Variants in ECSCR observed in about 807,000 individuals in gnomAD.
ECSCR encodes the protein endothelial cell-specific chemotaxis regulator.
A neutral mutation model predicts 16.7 loss-of-function variants in ECSCR; 12 were observed. That is an observed-to-expected ratio of 0.72 (90% CI 0.46 to 1.17). The LOEUF (loss-of-function observed/expected upper bound fraction) is 1.17, where lower values mean the gene tolerates loss of function less well. ECSCR is among the 50% of genes most tolerant of loss of function. The pLI, the probability that ECSCR is intolerant of heterozygous loss-of-function variation, is 0.00. For synonymous variants in ECSCR, 44 were observed against 42.2 expected (o/e 1.04, Z -0.17); for missense variants, 122 against 116.1 (o/e 1.05, Z -0.23).
intron 1 of ECSCR, among the ~76,000 whole-genome samples, chr5:139,462,280 C>G (rs1170534193): frequency 6.6e-6 from 1 of 152,140 alleles, no homozygotes; most frequent in Non-Finnish European, 1.5e-5. Flanking sequence ...GGGTGAGGGT[C>G]ATGAGTAGCC....
At chr5:139,455,603 G>C (rs2152089176) in intron 5 of ECSCR, among the ~76,000 whole-genome samples, 167 bp from the exon 6 acceptor site, 1 of 152,210 alleles carries the variant, frequency 6.6e-6, no homozygotes, top group Non-Finnish European at 1.5e-5. Context: ...GGGTTGAGGT[G>C]GGAGGAATGT....
chr5:139,449,289 G>A (rs1417933054), intron 8 of ECSCR, 115 bp from the exon 9 acceptor site: 3 of 736,654 alleles, frequency 4.1e-6, no homozygotes, highest in East Asian at 2.7e-5. Flanking sequence ...CTATATTTTG[G>A]TGGTGGATCA....
chr5:139,454,674 T>C, intron 7 of ECSCR, 36 bp from the exon 8 acceptor site: 1 of 398,300 alleles, frequency 2.5e-6, no homozygotes, highest in Non-Finnish European at 4.4e-6. Flanking sequence ...GGGGCTCACA[T>C]GCTGTAACTC....
intron 1 of ECSCR, 101 bp downstream of exon 1, chr5:139,462,508 GC>G: frequency 8.2e-7 from 1 of 1,222,814 alleles, no homozygotes; most frequent in Non-Finnish European, 1.2e-6. Context: ...CCTGGGCACA[GC>G]CCCTGGATGG....
intron 8 of ECSCR, among the ~76,000 whole-genome samples, chr5:139,449,982 G>T (rs1328346257): frequency 6.6e-6 from 1 of 151,832 alleles, no homozygotes; most frequent in East Asian, 2.0e-4. Flanking sequence ...TGCAACCTCC[G>T]CCTCTGGGTT....
At chr5:139,458,320 G>GTTT in intron 1 of ECSCR, 137 bp from the exon 2 acceptor site, 7 of 670,710 alleles carry the variant, frequency 1.0e-5, no homozygotes, top group African/African-American at 7.7e-5. Flanking sequence ...ATTTTGTTTT[G>GTTT]TTTTGTTTTT....
chr5:139,458,845 C>CA (rs1264082615), intron 1 of ECSCR, among the ~76,000 whole-genome samples: 4,593 of 88,814 alleles, frequency 0.052, 233 homozygotes, highest in African/African-American at 0.16. Flanking sequence ...GACTCTGTCT[C>CA]AAAAAAAAAA....
Position 139,455,368 on chromosome 5 carries a change from G to T in ECSCR, c.331C>A (p.Leu111Met). 1 of 398,776 alleles carries T rather than the reference G, an allele frequency of 2.5e-6. No individual in the cohort carries two copies. The highest frequency in any genetic ancestry group is 4.4e-6 in the Non-Finnish European group (1 of 226,176). 24.7% of individuals were successfully genotyped at this position (398,776 alleles called of 1,614,324 possible). The change falls in exon 6 of 10, where the codon CTG (leucine) becomes ATG (methionine). Residue 111 changes from leucine (L) to methionine (M), a missense_variant. Leu to Met is a conservative substitution (Grantham distance 15, BLOSUM62 2). Transcript: ENST00000618155. ...ACAGTCTCTGACGTGGGGCTGGGCA[G>T]GATGGTCGCATCTTCCCTCATGCTC... is the stretch of plus-strand genomic sequence containing the variant. Reference protein sequence around the residue: ...SLSMREDATILPSPTSETVLT... With the variant: ...SLSMREDATIMPSPTSETVLT...
chr5:139,462,587 G>T, intron 1 of ECSCR, 23 bp downstream of exon 1: 1 of 1,587,968 alleles, frequency 6.3e-7, no homozygotes, highest in Non-Finnish European at 8.6e-7. Flanking sequence ...AATTGCCATG[G>T]GAAAGCGGCA....
Position 139,457,525 on chromosome 5 carries a change from T to G in ECSCR, c.217+20A>C. ...CTGGGCCCTCCCTGGATGGCATTTG[T>G]AGTCTGAATGACACAGTACCTGGGG... On this transcript the variant is annotated intron_variant, in intron 4 of 9. Coordinates refer to ENST00000618155, the MANE Select transcript of ECSCR (RefSeq NM_001077693.4). 1 of 782,280 alleles carries G rather than the reference T, an allele frequency of 1.3e-6. No homozygotes were observed. The highest frequency in any genetic ancestry group is 2.4e-5 in the East Asian group (1 of 41,260). 48.5% of individuals were successfully genotyped at this position (782,280 alleles called of 1,614,324 possible). A position where few individuals can be genotyped will look rare whatever the true frequency, so the allele number is the denominator to read the frequency against.
chr5:139,456,994 A>C (rs1436711100), intron 4 of ECSCR, among the ~76,000 whole-genome samples: 5 of 152,240 alleles, frequency 3.3e-5, no homozygotes, highest in Admixed American at 2.6e-4. Context: ...TGCCCTCGGC[A>C]TCACGGGTTT....
rs1750958311 is a variant in ECSCR at position 139,448,594 on chromosome 5, A to C, written c.*306T>G. 1 of 566,074 alleles carries C rather than the reference A, an allele frequency of 1.8e-6. No individual in the cohort carries two copies. Among genetic ancestry groups the C allele is most frequent in the Non-Finnish European group, 2.7e-6 (1 of 365,640 alleles). The allele number at this position is 566,074 out of a possible 1,614,324, so 35.1% of individuals were successfully genotyped here. On this transcript the variant is annotated 3_prime_UTR_variant, in exon 10 of 10. Coordinates refer to ENST00000618155, the MANE Select transcript of ECSCR (RefSeq NM_001077693.4). ...GAAAATAATTTTAATGCAAAGTAGAAAGTATCAATCCACCTCATCACTTTC... is the reference window on the plus strand; with the variant it reads ...GAAAATAATTTTAATGCAAAGTAGACAGTATCAATCCACCTCATCACTTTC...
intron 1 of ECSCR, 142 bp from the exon 2 acceptor site, chr5:139,458,325 G>GTTTTTTTT: frequency 3.7e-6 from 2 of 546,768 alleles, no homozygotes; most frequent in Non-Finnish European, 6.3e-6. Context: ...GTTTTGTTTT[G>GTTTTTTTT]TTTTTTTTTT....
chr5:139,452,016 T>C (rs1751062832), intron 8 of ECSCR, among the ~76,000 whole-genome samples: 1 of 148,434 alleles, frequency 6.7e-6, no homozygotes, highest in African/African-American at 2.5e-5. Flanking sequence ...TGGGTGTGTG[T>C]GTAGTGTGGG....
At chr5:139,457,437 T>C in intron 4 of ECSCR, 108 bp downstream of exon 4, 1 of 764,610 alleles carries the variant, frequency 1.3e-6, no homozygotes, top group Non-Finnish European at 2.4e-6. Context: ...GTCTATTTCC[T>C]TGTCTGTTCC....
rs998404875 is a variant in ECSCR, at chr5:139,458,146, G to C, written c.99C>G (p.Ser33Arg). Residue 33 changes from serine to arginine, a missense_variant, in exon 2 of 10, where the codon AGC becomes AGG. Coordinates refer to ENST00000618155, the MANE Select transcript of ECSCR (RefSeq NM_001077693.4). The stretch of plus-strand genomic sequence containing the variant: ...CCATGTGTTTGGTCTTACCCTGAGA[G>C]CTAGAGGTCTGGGTCATTGTGGGCT... ...NSQPTMTQTS[S>R]SQGGLGGLSL... 9 of 1,549,562 alleles carry C rather than the reference G, an allele frequency of 5.8e-6. No homozygotes were observed. The African/African-American group carries it at 1.1e-4, about 19-fold the overall frequency.
intron 3 of ECSCR, 63 bp from the exon 4 acceptor site, chr5:139,457,667 T>G: frequency 1.4e-6 from 2 of 1,456,126 alleles, no homozygotes; most frequent in Non-Finnish European, 1.9e-6. Flanking sequence ...CCACACTCCC[T>G]GTCCCACCCA....
At chr5:139,458,472 T>G (rs188016163) in intron 1 of ECSCR, among the ~76,000 whole-genome samples, 1 of 115,026 alleles carries the variant, frequency 8.7e-6, no homozygotes, top group East Asian at 2.6e-4. Flanking sequence ...CACTCCAGCC[T>G]GGGCAACAGG....
chr5:139,450,188 T>A (rs1315301780), intron 8 of ECSCR, among the ~76,000 whole-genome samples: 1 of 152,056 alleles, frequency 6.6e-6, no homozygotes, highest in Non-Finnish European at 1.5e-5. Context: ...CCACCGCGCC[T>A]GGCCTAAAGC....
Sources: gnomAD v4.1 joint callset for allele counts (sites outside exome capture counted in the v4.1 genomes callset) on GRCh38, gnomAD v4.1.1 for gene constraint, MANE v1.5 for transcripts, NCBI Gene and HGNC (gene_info 2026-07-23, HGNC 2026-07-21) for gene names.